The following LYRM4 variants were observed in gnomAD, a reference collection of about 807,000 sequenced individuals.
LYRM4 encodes LYR motif-containing protein 4.
In LYRM4, 9 loss-of-function variants were observed where a neutral mutation model predicts 11.7. The observed-to-expected ratio is 0.77, with a 90% CI of 0.46 to 1.34. The LOEUF (loss-of-function observed/expected upper bound fraction) is 1.34, where lower values mean the gene tolerates loss of function less well. LYRM4 is among the 40% of genes most tolerant of loss of function. The pLI, the probability that LYRM4 is intolerant of heterozygous loss-of-function variation, is 0.00. For synonymous variants in LYRM4, 42 were observed against 40.4 expected (o/e 1.04, Z -0.15); for missense variants, 133 against 112.5 (o/e 1.18, Z -0.82).
intron 2 of LYRM4, among the ~76,000 whole-genome samples, chr6:5,141,518 C>G (rs1757408836): frequency 6.6e-6 from 1 of 152,218 alleles, no homozygotes; most frequent in South Asian, 2.1e-4. Context: ...CGTAGCGGAA[C>G]AGTACTGGTG....
At chr6:5,246,335 C>T (rs1764195367) in intron 1 of LYRM4, among the ~76,000 whole-genome samples, 1 of 152,214 alleles carries the variant, frequency 6.6e-6, no homozygotes, top group South Asian at 2.1e-4. Flanking sequence ...CATGGCGCCA[C>T]TGGCAAATTT....
At chr6:5,257,304 G>A (rs1764724570) in intron 1 of LYRM4, among the ~76,000 whole-genome samples, 1 of 151,992 alleles carries the variant, frequency 6.6e-6, no homozygotes, top group African/African-American at 2.4e-5. Flanking sequence ...CTGTTTGCCT[G>A]CCTGACCACA....
intron 1 of LYRM4, among the ~76,000 whole-genome samples, chr6:5,246,686 G>A (rs192227449): frequency 2.0e-5 from 3 of 152,242 alleles, no homozygotes; most frequent in East Asian, 3.9e-4. Flanking sequence ...GACAGAATGC[G>A]GGGAAGTTGG....
At chr6:5,066,732 A>C in the LYRM4 span, 1 of 790,174 alleles carries the variant, frequency 1.3e-6, no homozygotes, top group East Asian at 2.5e-5. Flanking sequence ...GATTTGCGCC[A>C]GGGTCTCAGC....
chr6:5,200,809 A>G (rs1312079977), intron 2 of LYRM4, among the ~76,000 whole-genome samples: 1 of 151,970 alleles, frequency 6.6e-6, no homozygotes, highest in East Asian at 2.0e-4. Flanking sequence ...ACTGGTCTGG[A>G]GTAGACTGGT....
chr6:5,043,366 A>C, the LYRM4 span: 1 of 152,152 alleles, frequency 6.6e-6, no homozygotes, highest in Non-Finnish European at 1.5e-5. Flanking sequence ...TGGGAAACTT[A>C]GATACAGGCT....
At chr6:5,187,413 G>C (rs1267254761) in intron 2 of LYRM4, among the ~76,000 whole-genome samples, 1 of 152,182 alleles carries the variant, frequency 6.6e-6, no homozygotes, top group African/African-American at 2.4e-5. Context: ...CCATCATTAA[G>C]TGGCTAATTA....
At chr6:5,128,333 C>A (rs1256420119) in intron 2 of LYRM4, among the ~76,000 whole-genome samples, 1 of 152,218 alleles carries the variant, frequency 6.6e-6, no homozygotes, top group Non-Finnish European at 1.5e-5. Flanking sequence ...CTGCTCCCAG[C>A]TGTACACAGG....
intron 2 of LYRM4, among the ~76,000 whole-genome samples, chr6:5,164,900 G>A (rs1401356678): frequency 2.7e-5 from 4 of 150,850 alleles, no homozygotes; most frequent in Non-Finnish European, 4.4e-5. Flanking sequence ...CCTGGGAGGC[G>A]GAGGTTGCAG....
intron 2 of LYRM4, among the ~76,000 whole-genome samples, chr6:5,204,986 C>T (rs987212742): frequency 6.6e-6 from 1 of 152,186 alleles, no homozygotes; most frequent in Non-Finnish European, 1.5e-5. Context: ...GAACTCCCTA[C>T]GTTTTCCTAC....
At position 5,206,018 on chromosome 6, in the gene LYRM4, G is replaced by A. The variant is rs11967895; in HGVS notation, c.207+10600C>T. Among the ~76,000 whole-genome samples the A allele has an allele frequency of 8.5e-3, 1,287 of 152,222 alleles. 25 individuals are homozygous for A. The highest frequency in any genetic ancestry group is 0.029 in the African/African-American group (1,216 of 41,520). ...TGAAGAACCAGCATTACATAACTCA[G>A]CATTACATCATCCAGTTACTCCCCC... On this transcript the variant is annotated intron_variant, in intron 2 of 2. Transcript: ENST00000330636.
chr6:5,111,821 T>C (rs1762895894), intron 2 of LYRM4, among the ~76,000 whole-genome samples: 1 of 152,242 alleles, frequency 6.6e-6, no homozygotes, highest in South Asian at 2.1e-4. Flanking sequence ...TGTGAGACTC[T>C]TCACTTCCTC....
chr6:5,124,334 A>G (rs374117), intron 2 of LYRM4, among the ~76,000 whole-genome samples: 142,642 of 152,266 alleles, frequency 0.94, 66,942 homozygotes, highest in African/African-American at 0.99. Context: ...TTCCCACCTC[A>G]GCCTCCCAAA....
In LYRM4 at chr6:5,228,961, G is replaced by A. The variant is rs911928383; in HGVS notation, c.87-12223C>T. 2.2e-4 allele frequency among the ~76,000 whole-genome samples: 29 copies of A among 133,978 alleles called. No homozygotes were observed. The South Asian group carries it at 3.1e-3, about 14-fold the overall frequency. The allele number at this position is 133,978 out of a possible 152,430, so 87.9% of individuals were successfully genotyped here. The stretch of plus-strand genomic sequence containing the variant: ...AGAGCTTGCAGCGAGCCAAGATCAC[G>A]CCACTGCACTCCAGCCTGGGCGACG... On this transcript the variant is annotated intron_variant, in intron 1 of 2. Transcript: ENST00000330636.
At chr6:5,043,404 T>C in the LYRM4 span, 1 of 152,156 alleles carries the variant, frequency 6.6e-6, no homozygotes, top group Non-Finnish European at 1.5e-5. Context: ...TATACTTCAA[T>C]TTTTGTTCCT....
chr6:5,079,291 G>C, the LYRM4 span, among the ~76,000 whole-genome samples: 1 of 152,130 alleles, frequency 6.6e-6, no homozygotes, highest in Non-Finnish European at 1.5e-5. Context: ...GAAAGACAAA[G>C]GTTAATTTAG....
At chr6:5,179,247 A>G (rs1759931927) in intron 2 of LYRM4, among the ~76,000 whole-genome samples, 1 of 152,210 alleles carries the variant, frequency 6.6e-6, no homozygotes, top group Non-Finnish European at 1.5e-5. Flanking sequence ...AAAGTGTTTA[A>G]TTATTCGTAG....
chr6:5,160,475 G>T (rs1357183445), intron 2 of LYRM4, among the ~76,000 whole-genome samples: 1 of 152,010 alleles, frequency 6.6e-6, no homozygotes, highest in South Asian at 2.1e-4. Flanking sequence ...TGTTCTTGTG[G>T]TAGTGACTAA....
At chr6:5,131,425 T>C (rs990926319) in intron 2 of LYRM4, among the ~76,000 whole-genome samples, 2 of 152,140 alleles carry the variant, frequency 1.3e-5, no homozygotes, top group Non-Finnish European at 2.9e-5. Flanking sequence ...TCTGGCTGGG[T>C]GCAATGGCTC....
Sources: allele counts gnomAD v4.1 joint callset (sites outside exome capture counted in the v4.1 genomes callset), GRCh38; gene constraint gnomAD v4.1.1; transcripts MANE v1.5; gene names NCBI Gene and HGNC (gene_info 2026-07-23, HGNC 2026-07-21).